Variants in DPY19L2 observed in about 807,000 individuals in gnomAD.
DPY19L2 encodes the protein probable C-mannosyltransferase DPY19L2.
In DPY19L2, 34 loss-of-function variants were observed where a neutral mutation model predicts 97.9. That is an observed-to-expected ratio of 0.35 (90% CI 0.26 to 0.46). The LOEUF (loss-of-function observed/expected upper bound fraction) is 0.46. DPY19L2 is among the 20% of genes least tolerant of loss of function. DPY19L2 has a pLI of 1.00. For missense variants in DPY19L2, 623 were observed against 911.4 expected (o/e 0.68, Z 4.07); for synonymous variants, 230 against 307.9 (o/e 0.75, Z 2.65).
intron 11 of DPY19L2, among the ~76,000 whole-genome samples, chr12:63,613,138 T>A (rs1243453837): frequency 6.6e-6 from 1 of 152,060 alleles, no homozygotes; most frequent in Non-Finnish European, 1.5e-5. Flanking sequence ...AGGGAACACT[T>A]CATAACTCAT....
At chr12:63,614,563 C>T (rs889383808) in intron 11 of DPY19L2, among the ~76,000 whole-genome samples, 6 of 151,886 alleles carry the variant, frequency 4.0e-5, no homozygotes, top group African/African-American at 9.7e-5. Context: ...TAATCATGTG[C>T]GTGGTGCAGT....
intron 11 of DPY19L2, among the ~76,000 whole-genome samples, chr12:63,613,410 G>A (rs3965205): frequency 4.6e-5 from 7 of 152,006 alleles, no homozygotes; most frequent in Admixed American, 1.3e-4. Flanking sequence ...TCATATCTTC[G>A]AAATTCATTT....
intron 4 of DPY19L2, chr12:63,651,897 C>T: frequency 4.9e-6 from 2 of 407,144 alleles, no homozygotes; most frequent in Non-Finnish European, 8.4e-6. Context: ...TGCGGCTTGC[C>T]ATGACTCCTT....
At chr12:63,641,741 C>T (rs1045434406) in intron 6 of DPY19L2, among the ~76,000 whole-genome samples, 13 of 152,032 alleles carry the variant, frequency 8.6e-5, no homozygotes, top group Non-Finnish European at 1.5e-4. Flanking sequence ...CAGTTTGAAG[C>T]TATTGCAGAT....
chr12:63,662,854 A>T (rs546182564), intron 3 of DPY19L2, among the ~76,000 whole-genome samples: 1 of 152,262 alleles, frequency 6.6e-6, no homozygotes, highest in East Asian at 1.9e-4. Flanking sequence ...TAGGGATGAA[A>T]ATTAAAAAGC....
chr12:63,592,764 G>A (rs1883355303), intron 16 of DPY19L2, among the ~76,000 whole-genome samples: 1 of 151,348 alleles, frequency 6.6e-6, no homozygotes, highest in Non-Finnish European at 1.5e-5. Flanking sequence ...AAAAGCAATG[G>A]CAACAAAAGC....
rs2137499740 is a variant in DPY19L2, at chr12:63,594,133, T to C, written c.1534A>G (p.Thr512Ala). ...MVITCFIFKK[T>A]VRDISYVLAT... is the part of the protein sequence containing the mutation. ...AAAACATATGAAATATCACGAACAG[T>C]CTGTGAATAGAATCAAATCAATGAA... The change falls in exon 16 of 22, where the codon ACT becomes GCT. Residue 512 changes from threonine to alanine, a missense_variant and splice_region_variant. Coordinates refer to ENST00000324472, the MANE Select transcript of DPY19L2 (RefSeq NM_173812.5). 6.5e-7 allele frequency: 1 copy of C among 1,539,832 alleles called. No homozygotes were observed. Among genetic ancestry groups the C allele is most frequent in the Non-Finnish European group, 8.8e-7 (1 of 1,130,562 alleles).
At chr12:63,581,961 C>T (rs1348591741) in intron 18 of DPY19L2, among the ~76,000 whole-genome samples, 9 of 150,508 alleles carry the variant, frequency 6.0e-5, no homozygotes, top group Non-Finnish European at 3.0e-5. Flanking sequence ...CCACCATACC[C>T]GGCTAATTTT....
chr12:63,589,141 G>T (rs925077050), intron 16 of DPY19L2, among the ~76,000 whole-genome samples: 6 of 151,794 alleles, frequency 4.0e-5, no homozygotes, highest in African/African-American at 1.5e-4. Flanking sequence ...CTTCACTTTA[G>T]AGTCAGAAAC....
intron 6 of DPY19L2, among the ~76,000 whole-genome samples, chr12:63,629,900 G>A (rs978127473): frequency 2.6e-5 from 4 of 152,102 alleles, no homozygotes; most frequent in Non-Finnish European, 5.9e-5. Flanking sequence ...GAAGAGAGTG[G>A]GGGCCAATAT....
At chr12:63,606,586 A>G (rs1290783375) in intron 12 of DPY19L2, among the ~76,000 whole-genome samples, 2 of 152,160 alleles carry the variant, frequency 1.3e-5, no homozygotes, top group Non-Finnish European at 2.9e-5. Context: ...CAGATTTATC[A>G]CAAGTGGATT....
At chr12:63,572,310 G>C (rs1431782453) in intron 19 of DPY19L2, among the ~76,000 whole-genome samples, 1 of 152,156 alleles carries the variant, frequency 6.6e-6, no homozygotes, top group Non-Finnish European at 1.5e-5. Flanking sequence ...CTGTGGTAGT[G>C]GTGGAAATGA....
chr12:63,582,138 T>C (rs1430384942), intron 18 of DPY19L2, among the ~76,000 whole-genome samples: 2 of 151,962 alleles, frequency 1.3e-5, no homozygotes, highest in Non-Finnish European at 2.9e-5. Flanking sequence ...GTTATGTTCA[T>C]GGACAGGATA....
chr12:63,564,027 T>C (rs1047475718), intron 21 of DPY19L2, among the ~76,000 whole-genome samples: 1 of 152,168 alleles, frequency 6.6e-6, no homozygotes, highest in Non-Finnish European at 1.5e-5. Context: ...TCCTACTTAG[T>C]GGAATAAAGT....
chr12:63,567,350 T>G (rs1351919845), intron 21 of DPY19L2, among the ~76,000 whole-genome samples: 2 of 152,046 alleles, frequency 1.3e-5, no homozygotes, highest in African/African-American at 4.8e-5. Context: ...ACTGTTTTAT[T>G]TATTTTTTGA....
chr12:63,643,087 G>T (rs1247211975), intron 6 of DPY19L2, among the ~76,000 whole-genome samples: 1 of 151,764 alleles, frequency 6.6e-6, no homozygotes, highest in Admixed American at 6.6e-5. Context: ...TTATAATTTT[G>T]AGTTTAAATA....
chr12:63,654,237 T>A (rs1894659514), intron 4 of DPY19L2, among the ~76,000 whole-genome samples: 1 of 152,064 alleles, frequency 6.6e-6, no homozygotes, highest in Admixed American at 6.6e-5. Flanking sequence ...AGTTTGATGA[T>A]TAAAACATAC....
In DPY19L2 at chr12:63,647,809, C is replaced by A. The variant is rs145106200; in HGVS notation, c.589-444G>T. Among the ~76,000 whole-genome samples the A allele has an allele frequency of 4.5e-3, 680 of 152,178 alleles. 12 individuals are homozygous for A. Among genetic ancestry groups the A allele is most frequent in the African/African-American group, 0.015 (639 of 41,516 alleles). ...TAGATAACTGCAATAGAGTAGAGCC[C>A]AGAAGCAGAAATGTACATTTAGAAA... On this transcript the variant is annotated intron_variant, in intron 4 of 21. Transcript: ENST00000324472.
intron 19 of DPY19L2, among the ~76,000 whole-genome samples, chr12:63,571,633 C>T (rs760677209): frequency 1.3e-5 from 2 of 152,086 alleles, no homozygotes; most frequent in African/African-American, 4.8e-5. Context: ...GTTTTCTTCC[C>T]GCAGATCATC....
Sources: gnomAD v4.1 joint callset for allele counts (sites outside exome capture counted in the v4.1 genomes callset) on GRCh38, gnomAD v4.1.1 for gene constraint, MANE v1.5 for transcripts, NCBI Gene and HGNC (gene_info 2026-07-23, HGNC 2026-07-21) for gene names.